The following ADAM12 variants were observed in gnomAD, a reference collection of about 807,000 sequenced individuals.
ADAM12 encodes disintegrin and metalloproteinase domain-containing protein 12.
In ADAM12, 70 loss-of-function variants were observed where a neutral mutation model predicts 106.4. That is an observed-to-expected ratio of 0.66 (90% CI 0.54 to 0.80). The LOEUF is 0.80. Ranked by LOEUF, ADAM12 falls within the 30% of genes least tolerant of loss-of-function variation. ADAM12 has a pLI of 0.00. For missense variants in ADAM12, 1,010 were observed against 1,171.9 expected (o/e 0.86, Z 2.02); for synonymous variants, 420 against 433.5 (o/e 0.97, Z 0.39).
At chr10:126,078,457 C>G (rs897916079) in intron 11 of ADAM12, among the ~76,000 whole-genome samples, 1 of 152,120 alleles carries the variant, frequency 6.6e-6, no homozygotes, top group Non-Finnish European at 1.5e-5. Context: ...CTTTGAAGTC[C>G]CAAACCCCCA....
Position 126,038,236 on chromosome 10 carries a change from C to G in ADAM12, c.2349+5G>C, listed in dbSNP as rs1323632920. 6.2e-7 allele frequency: 1 copy of G among 1,605,064 alleles called. No homozygotes were observed. The highest frequency in any genetic ancestry group is 8.5e-7 in the Non-Finnish European group (1 of 1,175,704). On this transcript the variant is annotated splice_donor_5th_base_variant and intron_variant, in intron 20 of 22. Coordinates refer to ENST00000448723, the MANE Select transcript of ADAM12 (RefSeq NM_001288973.2). ...CCTGAGCACTCACATCTACTCAAGA[C>G]TCACCTTCGGTGGGTAGGAATCTGG...
intron 3 of ADAM12, among the ~76,000 whole-genome samples, chr10:126,270,538 A>G (rs1379118334): frequency 6.6e-6 from 1 of 152,252 alleles, no homozygotes; most frequent in East Asian, 1.9e-4. Context: ...ATTAAACTTA[A>G]TTTAAATAGC....
chr10:126,325,933 CA>C (rs889938288), intron 2 of ADAM12, among the ~76,000 whole-genome samples: 1 of 152,100 alleles, frequency 6.6e-6, no homozygotes, highest in Non-Finnish European at 1.5e-5. Context: ...AACCAATGAA[CA>C]AAAAAGTGCA....
At chr10:126,240,087 A>C (rs1237043745) in intron 3 of ADAM12, among the ~76,000 whole-genome samples, 7 of 152,248 alleles carry the variant, frequency 4.6e-5, no homozygotes, top group African/African-American at 1.7e-4. Context: ...TACACTGCCC[A>C]TTGGTGCACG....
chr10:126,241,447 C>T lies in ADAM12; in HGVS notation c.260+37468G>A, dbSNP rs1373886816. Among the ~76,000 whole-genome samples the T allele has an allele frequency of 2.6e-5, 4 of 152,166 alleles. 1 individual carries two copies. Among genetic ancestry groups the T allele is most frequent in the African/African-American group, 9.7e-5 (4 of 41,434 alleles). ...AAAATTGACTTCTAAAAAAATATGT[C>T]ATTCAGTAAATTGTTTCCTTCAGTC... On this transcript the variant is annotated intron_variant, in intron 3 of 22. Coordinates refer to ENST00000448723, the MANE Select transcript of ADAM12 (RefSeq NM_001288973.2).
At chr10:126,192,568 C>T (rs1957523170) in intron 3 of ADAM12, among the ~76,000 whole-genome samples, 1 of 152,198 alleles carries the variant, frequency 6.6e-6, no homozygotes, top group African/African-American at 2.4e-5. Context: ...AGAAATGTGA[C>T]ATGGGAATCA....
rs190799733 is a variant in ADAM12, at chr10:126,090,399, T to C, written c.1145+3586A>G. 8.2e-4 allele frequency among the ~76,000 whole-genome samples: 125 copies of C among 152,172 alleles called. 1 individual carries two copies. Among genetic ancestry groups the C allele is most frequent in the Non-Finnish European group, 1.5e-3 (100 of 68,016 alleles). ...TCCTACTCTAGGAAGTGACATTTAC[T>C]ATTACGCTAAATATTCTTTGCTATG... On this transcript the variant is annotated intron_variant, in intron 11 of 22. Coordinates refer to ENST00000448723, the MANE Select transcript of ADAM12 (RefSeq NM_001288973.2).
At chr10:126,215,992 G>A (rs1957981095) in intron 3 of ADAM12, among the ~76,000 whole-genome samples, 1 of 152,156 alleles carries the variant, frequency 6.6e-6, no homozygotes, top group Non-Finnish European at 1.5e-5. Context: ...CCCACCCCAG[G>A]GAGGCAGCAA....
chr10:126,346,659 T>G (rs906073947), intron 1 of ADAM12, among the ~76,000 whole-genome samples: 3 of 152,162 alleles, frequency 2.0e-5, no homozygotes, highest in Admixed American at 6.5e-5. Context: ...GGAAGTCTAA[T>G]TCTCTTTGTA....
intron 3 of ADAM12, among the ~76,000 whole-genome samples, chr10:126,164,249 A>C (rs1418987262): frequency 6.6e-6 from 1 of 152,234 alleles, no homozygotes; most frequent in Non-Finnish European, 1.5e-5. Flanking sequence ...CAGCATATTC[A>C]TGCCATGCCA....
chr10:126,354,314 T>C (rs1172088422), intron 1 of ADAM12, among the ~76,000 whole-genome samples: 1 of 152,214 alleles, frequency 6.6e-6, no homozygotes, highest in Non-Finnish European at 1.5e-5. Flanking sequence ...TTTGCAATAA[T>C]GTTAGTTAGT....
rs569287772 is a variant in ADAM12 at position 126,103,922 on chromosome 10, C to G, written c.742-2681G>C. Among the ~76,000 whole-genome samples, 3 of 152,310 alleles carry G rather than the reference C, an allele frequency of 2.0e-5. No homozygotes were observed. In the South Asian group the frequency reaches 6.2e-4, roughly 32 times the overall value. ...CTGCCACCCAAATGCTCAGAGGTCA[C>G]CAGGGGCTTAAGGCATGGCACACTG... On this transcript the variant is annotated intron_variant, in intron 8 of 22. Transcript: ENST00000448723.
At chr10:126,305,252 G>A (rs1252791053) in intron 2 of ADAM12, among the ~76,000 whole-genome samples, 4 of 152,036 alleles carry the variant, frequency 2.6e-5, no homozygotes, top group Non-Finnish European at 5.9e-5. Context: ...GCAAACTGCA[G>A]AATATCCAAC....
chr10:126,148,232 C>T (rs1956664862), intron 4 of ADAM12, among the ~76,000 whole-genome samples: 1 of 152,184 alleles, frequency 6.6e-6, no homozygotes, highest in African/African-American at 2.4e-5. Context: ...AAAAATAGCA[C>T]TATACACTAT....
At chr10:126,358,623 G>C (rs1215703192) in intron 1 of ADAM12, among the ~76,000 whole-genome samples, 1 of 152,142 alleles carries the variant, frequency 6.6e-6, no homozygotes, top group African/African-American at 2.4e-5. Context: ...ATTCAACATA[G>C]TGTTGGAAGT....
intron 3 of ADAM12, among the ~76,000 whole-genome samples, chr10:126,259,917 G>A (rs1344748205): frequency 6.6e-6 from 1 of 152,192 alleles, no homozygotes; most frequent in African/African-American, 2.4e-5. Flanking sequence ...GATGAGTCTG[G>A]TTTAGGTGTC....
chr10:126,026,734 A>G (rs562650312), intron 21 of ADAM12, among the ~76,000 whole-genome samples: 1 of 152,368 alleles, frequency 6.6e-6, no homozygotes, highest in Admixed American at 6.5e-5. Context: ...GAGAACAAAG[A>G]GCCAACATAC....
At chr10:126,247,929 T>A (rs1054741909) in intron 3 of ADAM12, among the ~76,000 whole-genome samples, 2 of 152,204 alleles carry the variant, frequency 1.3e-5, no homozygotes, top group Non-Finnish European at 2.9e-5. Flanking sequence ...AGATGCTCTT[T>A]GAATTTCGTA....
At chr10:126,220,147 C>A (rs1958063086) in intron 3 of ADAM12, among the ~76,000 whole-genome samples, 1 of 152,232 alleles carries the variant, frequency 6.6e-6, no homozygotes, top group African/African-American at 2.4e-5. Flanking sequence ...CTCCACTCTT[C>A]AGAGACATGT....
Sources: allele counts gnomAD v4.1 joint callset (sites outside exome capture counted in the v4.1 genomes callset), GRCh38; gene constraint gnomAD v4.1.1; transcripts MANE v1.5; gene names NCBI Gene and HGNC (gene_info 2026-07-23, HGNC 2026-07-21).